The following CSMD1 variants were observed in gnomAD, a reference collection of about 807,000 sequenced individuals.
CSMD1 encodes the protein CUB and sushi domain-containing protein 1.
CSMD1 carries 213 observed loss-of-function variants against 417.5 expected under a neutral mutation model. The ratio of observed to expected loss-of-function variants is 0.51; its 90% CI spans 0.46 to 0.57. The LOEUF (loss-of-function observed/expected upper bound fraction) is 0.57. CSMD1 is among the 20% of genes least tolerant of loss of function. The pLI is 0.00. For synonymous variants in CSMD1, 2,862 were observed against 1,736.8 expected (o/e 1.65, Z -16.11); for missense variants, 6,923 against 4,529.7 (o/e 1.53, Z -15.17).
chr8:4,157,609 C>A (rs752135508), intron 3 of CSMD1, among the ~76,000 whole-genome samples: 2 of 152,202 alleles, frequency 1.3e-5, no homozygotes, highest in Non-Finnish European at 2.9e-5. Context: ...AAATGCAAAT[C>A]TTTCACGCAG....
Position 4,640,756 on chromosome 8 carries a change from T to A in CSMD1, c.86-3198A>T, listed in dbSNP as rs1803137317. On this transcript the variant is annotated intron_variant, in intron 1 of 69. Transcript: ENST00000635120. ...ATCCCTTGTAAGTACCTTTGTAATT[T>A]GTATTTCTTCAGGGCAATAAAATAA... Among the ~76,000 whole-genome samples, 3 of 152,024 alleles carry A rather than the reference T, an allele frequency of 2.0e-5. No individual in the cohort carries two copies. The South Asian group carries it at 6.2e-4, about 31-fold the overall frequency.
At chr8:4,409,642 CTTTTTT>C (rs61368925) in intron 3 of CSMD1, among the ~76,000 whole-genome samples, 44 of 141,848 alleles carry the variant, frequency 3.1e-4, no homozygotes, top group Middle Eastern at 3.6e-3. Flanking sequence ...GACTTTTTTT[CTTTTTT>C]TTTTTTTTTT....
At chr8:4,196,741 C>A (rs1563257128) in intron 3 of CSMD1, among the ~76,000 whole-genome samples, 2 of 152,262 alleles carry the variant, frequency 1.3e-5, no homozygotes, top group South Asian at 4.1e-4. Flanking sequence ...TGGTCTCTAT[C>A]TCAAGACCCT....
At position 4,405,429 on chromosome 8, in the gene CSMD1, C is replaced by G. The variant is rs1001331188; in HGVS notation, c.415+14524G>C. On this transcript the variant is annotated intron_variant, in intron 3 of 69. Coordinates refer to ENST00000635120, the MANE Select transcript of CSMD1 (RefSeq NM_033225.6). ...AAGCGAGTTTCTTAACCTCAGTTGTCAATTGTAAAATGAAGATTTTAACGC... is the reference window on the plus strand; with the variant it reads ...AAGCGAGTTTCTTAACCTCAGTTGTGAATTGTAAAATGAAGATTTTAACGC... Among the ~76,000 whole-genome samples, 17 of 151,718 alleles carry G rather than the reference C, an allele frequency of 1.1e-4. 1 individual carries two copies. Among genetic ancestry groups the G allele is most frequent in the African/African-American group, 4.1e-4 (17 of 41,248 alleles).
chr8:3,858,477 T>C (rs1477772496), intron 5 of CSMD1, among the ~76,000 whole-genome samples: 1 of 152,186 alleles, frequency 6.6e-6, no homozygotes, highest in Non-Finnish European at 1.5e-5. Context: ...TATCTTTAGA[T>C]AATAATTCCA....
intron 10 of CSMD1, among the ~76,000 whole-genome samples, chr8:3,555,506 A>G (rs1182140118): frequency 6.6e-6 from 1 of 152,206 alleles, no homozygotes; most frequent in Non-Finnish European, 1.5e-5. Flanking sequence ...AATTCTATGC[A>G]CTGAGCCCCA....
chr8:3,721,429 A>C (rs1452642531), intron 6 of CSMD1, among the ~76,000 whole-genome samples: 4 of 152,188 alleles, frequency 2.6e-5, no homozygotes. Context: ...CTCAGAAAAC[A>C]TCAAACAGTT....
rs144033892 is a variant in CSMD1 at position 3,591,546 on chromosome 8, T to C, written c.1098-5286A>G. ...TTAAACTAATGTTCAAAACAGGAAA[T>C]GGGTTGACTTAGCTGTCCGCTGTTT... On this transcript the variant is annotated intron_variant, in intron 8 of 69. Transcript: ENST00000635120. Among the ~76,000 whole-genome samples the C allele has an allele frequency of 2.8e-3, 422 of 152,282 alleles. 6 individuals are homozygous for C. Among genetic ancestry groups the C allele is most frequent in the African/African-American group, 9.7e-3 (403 of 41,572 alleles).
At chr8:4,268,738 T>C (rs1429740356) in intron 3 of CSMD1, among the ~76,000 whole-genome samples, 2 of 150,906 alleles carry the variant, frequency 1.3e-5, no homozygotes, top group Non-Finnish European at 2.9e-5. Context: ...CCCACTTAAT[T>C]CTATTAAATT....
intron 57 of CSMD1, among the ~76,000 whole-genome samples, chr8:2,971,919 G>A (rs751953678): frequency 5.3e-5 from 8 of 152,018 alleles, no homozygotes; most frequent in Non-Finnish European, 1.2e-4. Flanking sequence ...GCAATTCAGA[G>A]TAAAAAATTA....
intron 12 of CSMD1, among the ~76,000 whole-genome samples, chr8:3,459,777 G>A (rs1000753803): frequency 6.6e-6 from 1 of 152,056 alleles, no homozygotes; most frequent in African/African-American, 2.4e-5. Context: ...TTGGGTCCAG[G>A]AATCAGAGCA....
At chr8:3,331,053 A>T (rs1028953909) in intron 23 of CSMD1, among the ~76,000 whole-genome samples, 2 of 152,118 alleles carry the variant, frequency 1.3e-5, no homozygotes, top group African/African-American at 4.8e-5. Context: ...TATCGAGACC[A>T]CAGTGAAACC....
intron 3 of CSMD1, among the ~76,000 whole-genome samples, chr8:4,141,638 A>G (rs1273236588): frequency 7.4e-6 from 1 of 135,738 alleles, no homozygotes; most frequent in African/African-American, 2.5e-5. Flanking sequence ...ACCCTAATTC[A>G]CAAGTTTTTT....
chr8:4,312,252 CTAAT>C (rs1303252508), intron 3 of CSMD1, among the ~76,000 whole-genome samples: 3 of 151,462 alleles, frequency 2.0e-5, no homozygotes, highest in Admixed American at 6.6e-5. Context: ...TATTGCAATC[CTAAT>C]TTATTGGCAA....
At chr8:3,080,566 G>A (rs868343597) in intron 49 of CSMD1, among the ~76,000 whole-genome samples, 1 of 152,154 alleles carries the variant, frequency 6.6e-6, no homozygotes, top group Admixed American at 6.5e-5. Flanking sequence ...AGCTAATTGC[G>A]AGCCATCAAG....
At chr8:4,385,835 G>C (rs146588310) in intron 3 of CSMD1, among the ~76,000 whole-genome samples, 1 of 152,080 alleles carries the variant, frequency 6.6e-6, no homozygotes, top group Non-Finnish European at 1.5e-5. Flanking sequence ...GTGTTTCTGG[G>C]AAACTGTTAA....
chr8:4,479,033 C>T (rs932454422), intron 2 of CSMD1, among the ~76,000 whole-genome samples: 1 of 152,128 alleles, frequency 6.6e-6, no homozygotes, highest in Non-Finnish European at 1.5e-5. Flanking sequence ...GGGAAGATAA[C>T]ACAGAGTATG....
chr8:3,730,967 A>G (rs966495856), intron 6 of CSMD1, among the ~76,000 whole-genome samples: 2 of 152,186 alleles, frequency 1.3e-5, no homozygotes, highest in Non-Finnish European at 2.9e-5. Context: ...TTAGTGGGGA[A>G]AATTTATTTC....
chr8:4,401,161 A>C (rs181592692), intron 3 of CSMD1, among the ~76,000 whole-genome samples: 10 of 152,330 alleles, frequency 6.6e-5, no homozygotes, highest in Admixed American at 5.9e-4. Context: ...GGATTCATCA[A>C]AACAGGGGTT....
Sources: allele counts gnomAD v4.1 joint callset (sites outside exome capture counted in the v4.1 genomes callset), GRCh38; gene constraint gnomAD v4.1.1; transcripts MANE v1.5; gene names NCBI Gene and HGNC (gene_info 2026-07-23, HGNC 2026-07-21).